INSIG2: variants seen among roughly 807,000 people sequenced by gnomAD.
INSIG2 encodes the protein insulin-induced gene 2 protein.
Under a neutral mutation model 27.2 loss-of-function variants are expected in INSIG2, and 10 were observed. The ratio of observed to expected loss-of-function variants is 0.37; its 90% CI spans 0.23 to 0.62. The LOEUF (loss-of-function observed/expected upper bound fraction) is 0.62, where lower values mean the gene tolerates loss of function less well. INSIG2 is among the 20% of genes least tolerant of loss of function. The pLI is 0.65. For synonymous variants in INSIG2, 97 were observed against 95.8 expected (o/e 1.01, Z -0.07); for missense variants, 178 against 270.2 (o/e 0.66, Z 2.39).
At chr2:118,091,284 T>A (rs1160287931) in intron 1 of INSIG2, among the ~76,000 whole-genome samples, 1 of 152,092 alleles carries the variant, frequency 6.6e-6, no homozygotes, top group Non-Finnish European at 1.5e-5. Context: ...TGGTAGGGGG[T>A]GAAATGGTTT....
At position 118,110,636 on chromosome 2, in the gene INSIG2, T is replaced by C. The variant is rs1372507396; in HGVS notation, c.*2314T>C. On this transcript the variant is annotated 3_prime_UTR_variant, in exon 6 of 6. Transcript: ENST00000245787. ...AAAATAAGATAATTATAGCAAAAAA[T>C]AAAATTGTTTTGAAATTTTGATAAA... The C allele has an allele frequency of 6.6e-6, 1 of 152,210 alleles. No individual in the cohort carries two copies. The highest frequency in any genetic ancestry group is 1.5e-5 in the Non-Finnish European group (1 of 68,028). The allele number at this position is 152,210 out of a possible 1,614,324, so 9.4% of individuals were successfully genotyped here.
intron 1 of INSIG2, among the ~76,000 whole-genome samples, chr2:118,092,532 C>T (rs1018726659): frequency 1.2e-4 from 18 of 151,802 alleles, no homozygotes; most frequent in South Asian, 1.0e-3. Context: ...AACCATCTGC[C>T]GAAAAAGAAG....
rs1039019091 is a variant in INSIG2 at position 118,109,068 on chromosome 2, G to A, written c.*746G>A. 1.5e-4 allele frequency: 23 copies of A among 152,178 alleles called. No individual in the cohort carries two copies. The highest frequency in any genetic ancestry group is 4.8e-4 in the African/African-American group (20 of 41,452). 9.4% of individuals were successfully genotyped at this position (152,178 alleles called of 1,614,324 possible). ...TTTGGAACAGTATATATAATTAAAA[G>A]TAAGGAACATTAGAGGATTTAATTA... On this transcript the variant is annotated 3_prime_UTR_variant, in exon 6 of 6. Transcript: ENST00000245787.
At chr2:118,096,226 T>G (rs1678400343) in intron 1 of INSIG2, among the ~76,000 whole-genome samples, 193 bp from the exon 2 acceptor site, 1 of 152,226 alleles carries the variant, frequency 6.6e-6, no homozygotes, top group Admixed American at 6.5e-5. Context: ...TATTTTTTAT[T>G]ACGTCTTGCA....
rs1182898795 is a variant in INSIG2 at position 118,094,164 on chromosome 2, AGATGATGAT to A, written c.-138-2246_-138-2238del. Among the ~76,000 whole-genome samples, 93 of 135,052 alleles carry A rather than the reference AGATGATGAT, an allele frequency of 6.9e-4. 1 individual carries two copies. Among genetic ancestry groups the A allele is most frequent in the African/African-American group, 2.4e-3 (85 of 35,118 alleles). The allele number at this position is 135,052 out of a possible 152,430, so 88.6% of individuals were successfully genotyped here. A position where few individuals can be genotyped will look rare whatever the true frequency, so the allele number is the denominator to read the frequency against. On this transcript the variant is annotated intron_variant, in intron 1 of 5. Coordinates refer to ENST00000245787, the MANE Select transcript of INSIG2 (RefSeq NM_016133.4). ...CTACTGAACCTTGCTAAAAGCAACC[AGATGATGAT>A]GATGATGAGGAGGAGGAGGAGGAGA...
intron 1 of INSIG2, among the ~76,000 whole-genome samples, chr2:118,094,400 T>C (rs1678360189): frequency 1.3e-5 from 2 of 150,838 alleles, no homozygotes; most frequent in African/African-American, 2.5e-5. Context: ...GAGAGTTCTG[T>C]AGCTACTGAA....
chr2:118,095,894 A>G (rs574500376), intron 1 of INSIG2, among the ~76,000 whole-genome samples: 3 of 152,318 alleles, frequency 2.0e-5, no homozygotes, highest in South Asian at 2.1e-4. Flanking sequence ...GGATAACCAA[A>G]TAATAAACAT....
At chr2:118,100,504 G>A (rs909617181) in intron 2 of INSIG2, among the ~76,000 whole-genome samples, 3 of 146,504 alleles carry the variant, frequency 2.0e-5, no homozygotes, top group East Asian at 2.1e-4. Flanking sequence ...TCAGCCTTCC[G>A]AGTAGCTGGG....
chr2:118,092,814 TGAG>T (rs1331329316), intron 1 of INSIG2, among the ~76,000 whole-genome samples: 3 of 147,188 alleles, frequency 2.0e-5, no homozygotes, highest in African/African-American at 5.0e-5. Context: ...ATGATGATGA[TGAG>T]GAGGAGAGTT....
intron 1 of INSIG2, among the ~76,000 whole-genome samples, chr2:118,093,015 T>TGAG (rs779340110): frequency 0.014 from 1,251 of 92,050 alleles, 49 homozygotes; most frequent in Non-Finnish European, 0.022. Context: ...ATGATGATGA[T>TGAG]GAGGAGGAGG....
intron 3 of INSIG2, 114 bp from the exon 4 acceptor site, chr2:118,106,623 T>A: frequency 1.3e-6 from 1 of 767,394 alleles, no homozygotes; most frequent in Non-Finnish European, 2.1e-6. Flanking sequence ...CTGAATGTAC[T>A]TGAGTAGAAG....
rs78784343 is a variant in INSIG2 at position 118,093,848 on chromosome 2, AGATGAT to A, written c.-138-2559_-138-2554del. ...CTACTGAACCTTGCTGAAAGCAACC[AGATGAT>A]GATGATGATGAGGAGGAGGAGGAGG... On this transcript the variant is annotated intron_variant, in intron 1 of 5. Transcript: ENST00000245787. Among the ~76,000 whole-genome samples, 411 of 67,134 alleles carry A rather than the reference AGATGAT, an allele frequency of 6.1e-3. 1 individual carries two copies. The highest frequency in any genetic ancestry group is 0.011 in the South Asian group (13 of 1,134). The allele number at this position is 67,134 out of a possible 152,430, so 44.0% of individuals were successfully genotyped here. A position where few individuals can be genotyped will look rare whatever the true frequency, so the allele number is the denominator to read the frequency against.
chr2:118,098,591 C>T (rs558906213), intron 2 of INSIG2, among the ~76,000 whole-genome samples: 5 of 152,290 alleles, frequency 3.3e-5, no homozygotes, highest in East Asian at 3.9e-4. Flanking sequence ...AATTCCCTGG[C>T]GTGTGTTGTG....
chr2:118,093,297 T>TGAGGAG (rs1470990716), intron 1 of INSIG2, among the ~76,000 whole-genome samples: 28 of 55,632 alleles, frequency 5.0e-4, no homozygotes, highest in African/African-American at 1.4e-3. Flanking sequence ...CAGATGATGA[T>TGAGGAG]GATGAGGAGG....
intron 3 of INSIG2, 79 bp from the exon 4 acceptor site, chr2:118,106,658 G>T (rs764198733): frequency 3.4e-4 from 375 of 1,106,430 alleles, no homozygotes; most frequent in Non-Finnish European, 4.7e-4. Context: ...CTCAACAGAG[G>T]CATCTCTTAT....
rs1678776037 is a variant in INSIG2 at position 118,110,012 on chromosome 2, G to A, written c.*1690G>A. On this transcript the variant is annotated 3_prime_UTR_variant, in exon 6 of 6. Transcript: ENST00000245787. Reference sequence around the variant, plus strand: ...GTTAAAAGCAACACGTATTAAATATGTAATTATCATCTGGGTTAAGAGTCT... The same window carrying A: ...GTTAAAAGCAACACGTATTAAATATATAATTATCATCTGGGTTAAGAGTCT... 1 of 152,688 alleles carries A rather than the reference G, an allele frequency of 6.5e-6. No homozygotes were observed. The highest frequency in any genetic ancestry group is 6.5e-5 in the Admixed American group (1 of 15,278). The allele number at this position is 152,688 out of a possible 1,614,324, so 9.5% of individuals were successfully genotyped here. A position where few individuals can be genotyped will look rare whatever the true frequency, so the allele number is the denominator to read the frequency against.
At chr2:118,093,145 AGAT>A (rs1224057339) in intron 1 of INSIG2, among the ~76,000 whole-genome samples, 4 of 96,618 alleles carry the variant, frequency 4.1e-5, no homozygotes, top group African/African-American at 9.7e-5. Context: ...AAAAGCAACC[AGAT>A]GATGATGATG....
chr2:118,102,058 T>G (rs1339831746), intron 2 of INSIG2, among the ~76,000 whole-genome samples: 1 of 152,160 alleles, frequency 6.6e-6, no homozygotes, highest in Non-Finnish European at 1.5e-5. Context: ...TGGCTAATAC[T>G]GGGTAGGGGG....
chr2:118,090,894 G>C (rs1209156550), intron 1 of INSIG2, among the ~76,000 whole-genome samples: 1 of 152,088 alleles, frequency 6.6e-6, no homozygotes, highest in Non-Finnish European at 1.5e-5. Flanking sequence ...ATTTTATTTT[G>C]TAAAATGGAA....
Sources: gnomAD v4.1 joint callset for allele counts (sites outside exome capture counted in the v4.1 genomes callset) on GRCh38, gnomAD v4.1.1 for gene constraint, MANE v1.5 for transcripts, NCBI Gene and HGNC (gene_info 2026-07-23, HGNC 2026-07-21) for gene names.